WDPCP: variants seen among roughly 807,000 people sequenced by gnomAD.
WDPCP encodes WD repeat-containing and planar cell polarity effector protein fritz homolog.
A neutral mutation model predicts 93.1 loss-of-function variants in WDPCP; 71 were observed. The observed-to-expected ratio is 0.76, with a 90% CI of 0.63 to 0.93. WDPCP has a LOEUF of 0.93. WDPCP is among the 40% of genes least tolerant of loss of function. WDPCP has a pLI of 0.00. For synonymous variants in WDPCP, 315 were observed against 315.0 expected, an observed-to-expected ratio of 1.00 and a Z score of 0.00; for missense variants, 844 against 887.4, an observed-to-expected ratio of 0.95 and a Z score of 0.62.
chr2:63,536,922 C>G (rs549152021), intron 1 of WDPCP, among the ~76,000 whole-genome samples: 5 of 151,890 alleles, frequency 3.3e-5, no homozygotes, highest in Non-Finnish European at 7.4e-5. Flanking sequence ...TGCACCCCCA[C>G]ACCCAGCCAA....
At chr2:63,270,735 T>G (rs1435317902) in intron 13 of WDPCP, among the ~76,000 whole-genome samples, 1 of 152,156 alleles carries the variant, frequency 6.6e-6, no homozygotes, top group African/African-American at 2.4e-5. Flanking sequence ...GAGAGGTTTA[T>G]AAGCAGTCTG....
At chr2:63,433,268 G>A (rs1045409214) in intron 9 of WDPCP, among the ~76,000 whole-genome samples, 16 of 152,134 alleles carry the variant, frequency 1.1e-4, no homozygotes, top group African/African-American at 3.9e-4. Context: ...TTTGTTAATT[G>A]ACTGAAGTCT....
intron 10 of WDPCP, among the ~76,000 whole-genome samples, chr2:63,382,629 T>A (rs1038595644): frequency 6.6e-6 from 1 of 152,154 alleles, no homozygotes; most frequent in Non-Finnish European, 1.5e-5. Flanking sequence ...CAAAGTAGTA[T>A]AAAATATTAC....
At chr2:63,759,133 T>G (rs886146506) in intron 2 of WDPCP, among the ~76,000 whole-genome samples, 2 of 151,826 alleles carry the variant, frequency 1.3e-5, no homozygotes, top group African/African-American at 4.8e-5. Context: ...ATAGAAGGCA[T>G]GCTGGGAAGG....
At chr2:63,609,279 A>G (rs1008310423) in intron 3 of WDPCP, among the ~76,000 whole-genome samples, 2 of 151,960 alleles carry the variant, frequency 1.3e-5, no homozygotes, top group African/African-American at 4.8e-5. Context: ...AGGCAGGAGA[A>G]TCACCTGAAC....
intron 2 of WDPCP, among the ~76,000 whole-genome samples, chr2:63,729,584 T>C (rs1042793244): frequency 1.3e-5 from 2 of 152,154 alleles, no homozygotes; most frequent in African/African-American, 4.8e-5. Flanking sequence ...TGCCTCCTGA[T>C]AGCACATCAG....
At chr2:63,661,427 T>C (rs1710225150) in intron 2 of WDPCP, among the ~76,000 whole-genome samples, 1 of 152,216 alleles carries the variant, frequency 6.6e-6, no homozygotes, top group Non-Finnish European at 1.5e-5. Context: ...TGTAAACTTT[T>C]TGAAGGCTAG....
intron 2 of WDPCP, among the ~76,000 whole-genome samples, chr2:63,726,603 C>T (rs1178151454): frequency 6.6e-6 from 1 of 152,126 alleles, no homozygotes; most frequent in Non-Finnish European, 1.5e-5. Context: ...TTGATAGGAA[C>T]AGCATTGCAT....
At chr2:63,212,382 AG>A (rs1485663426) in intron 14 of WDPCP, among the ~76,000 whole-genome samples, 1 of 152,242 alleles carries the variant, frequency 6.6e-6, no homozygotes, top group Non-Finnish European at 1.5e-5. Context: ...TCATAAGTGC[AG>A]GAGAAATAAA....
chr2:63,459,654 G>A (rs767749883), intron 6 of WDPCP, among the ~76,000 whole-genome samples: 7 of 152,106 alleles, frequency 4.6e-5, no homozygotes, highest in Non-Finnish European at 8.8e-5. Flanking sequence ...GGTGGCTCAC[G>A]CCTGTAATCC....
chr2:63,776,673 A>C (rs187353158), intron 2 of WDPCP, among the ~76,000 whole-genome samples: 1 of 151,472 alleles, frequency 6.6e-6, no homozygotes, highest in Admixed American at 6.6e-5. Context: ...AAAAAAAAAA[A>C]AAAAAGATAT....
intron 14 of WDPCP, among the ~76,000 whole-genome samples, chr2:63,251,252 C>G (rs1680688060): frequency 6.6e-6 from 1 of 151,994 alleles, no homozygotes; most frequent in Non-Finnish European, 1.5e-5. Context: ...AAAGGATGAT[C>G]TAAATAAGCA....
At chr2:63,437,159 C>A (rs1186312551) in intron 8 of WDPCP, among the ~76,000 whole-genome samples, 2 of 151,910 alleles carry the variant, frequency 1.3e-5, no homozygotes, top group Admixed American at 1.3e-4. Flanking sequence ...GTGTAACTTG[C>A]CTCTATTATC....
intron 1 of WDPCP, among the ~76,000 whole-genome samples, chr2:63,540,147 G>C (rs1332856136): frequency 6.6e-6 from 1 of 152,080 alleles, no homozygotes; most frequent in Non-Finnish European, 1.5e-5. Context: ...TTCTACATTA[G>C]AAATAGTATT....
At chr2:63,152,610 C>T (rs1462918251) in intron 17 of WDPCP, among the ~76,000 whole-genome samples, 1 of 152,124 alleles carries the variant, frequency 6.6e-6, no homozygotes, top group African/African-American at 2.4e-5. Context: ...ATCCCTTCTA[C>T]TTTCTCCCTA....
At chr2:63,661,859 T>C (rs1350716655) in intron 2 of WDPCP, among the ~76,000 whole-genome samples, 6 of 152,140 alleles carry the variant, frequency 3.9e-5, no homozygotes, top group Non-Finnish European at 7.4e-5. Flanking sequence ...AGGACCTTGA[T>C]GAATGGAAGT....
intron 2 of WDPCP, among the ~76,000 whole-genome samples, chr2:63,780,780 C>A (rs1004971377): frequency 6.6e-6 from 1 of 152,254 alleles, no homozygotes; most frequent in African/African-American, 2.4e-5. Context: ...TGGAGAACAA[C>A]ATTTATTATG....
chr2:63,488,386 C>G (rs1042038865), intron 2 of WDPCP, among the ~76,000 whole-genome samples: 6 of 152,042 alleles, frequency 3.9e-5, no homozygotes, highest in Admixed American at 6.6e-5. Flanking sequence ...CTATAATTAA[C>G]TTTTCAAATA....
At chr2:63,791,841 CA>C (rs1301613440) in intron 2 of WDPCP, among the ~76,000 whole-genome samples, 3 of 151,894 alleles carry the variant, frequency 2.0e-5, no homozygotes, top group Non-Finnish European at 4.4e-5. Context: ...ATCTCATCTG[CA>C]AAAATGAGGA....
Sources: gnomAD v4.1 joint callset for allele counts (sites outside exome capture counted in the v4.1 genomes callset) on GRCh38, gnomAD v4.1.1 for gene constraint, MANE v1.5 for transcripts, NCBI Gene and HGNC (gene_info 2026-07-23, HGNC 2026-07-21) for gene names.